Variants in UNC5D observed in about 807,000 individuals in gnomAD.
UNC5D encodes the protein unc-5 netrin receptor D.
Under a neutral mutation model 105.4 loss-of-function variants are expected in UNC5D, and 39 were observed. The observed-to-expected ratio is 0.37, with a 90% confidence interval of 0.29 to 0.48. The LOEUF is 0.48. Among genes scored for constraint, UNC5D ranks in the 20% least tolerant of loss-of-function variants. The pLI, the probability that UNC5D is intolerant of heterozygous loss-of-function variation, is 0.98. For missense variants in UNC5D, 991 were observed against 1,202.4 expected (o/e 0.82, Z 2.60); for synonymous variants, 452 against 450.4 (o/e 1.00, Z -0.04).
chr8:35,458,774 G>A (rs1048131392), intron 1 of UNC5D, among the ~76,000 whole-genome samples: 1 of 152,054 alleles, frequency 6.6e-6, no homozygotes, highest in African/African-American at 2.4e-5. Context: ...TTTTCCTGTT[G>A]TTTCTTATTA....
At chr8:35,700,841 C>A (rs1401452608) in intron 7 of UNC5D, among the ~76,000 whole-genome samples, 1 of 152,084 alleles carries the variant, frequency 6.6e-6, no homozygotes, top group Non-Finnish European at 1.5e-5. Flanking sequence ...ATGTTAGATT[C>A]TTTCATGCTA....
chr8:35,501,994 A>G (rs1375721099), intron 1 of UNC5D, among the ~76,000 whole-genome samples: 1 of 152,250 alleles, frequency 6.6e-6, no homozygotes, highest in African/African-American at 2.4e-5. Context: ...GTACATAAAT[A>G]AAATATGAAT....
In UNC5D at chr8:35,380,806, G is replaced by A. The variant is rs868180492; in HGVS notation, c.103+144919G>A. On this transcript the variant is annotated intron_variant, in intron 1 of 16. Transcript: ENST00000404895. ...AGAAACTGATCACTATGTACGCATTGGAATCATCATTCTTAAACCTATAGC... is the reference window on the plus strand; with the variant it reads ...AGAAACTGATCACTATGTACGCATTAGAATCATCATTCTTAAACCTATAGC... 7.2e-5 allele frequency among the ~76,000 whole-genome samples: 11 copies of A among 152,108 alleles called. No homozygotes were observed. In the South Asian group the frequency reaches 2.3e-3, roughly 32 times the overall value.
chr8:35,504,937 G>T (rs1021239077), intron 1 of UNC5D, among the ~76,000 whole-genome samples: 4 of 152,108 alleles, frequency 2.6e-5, no homozygotes, highest in Non-Finnish European at 4.4e-5. Context: ...CTCATGTGTA[G>T]CCCCCCAAAA....
chr8:35,787,532 G>T (rs1185365982), intron 16 of UNC5D, among the ~76,000 whole-genome samples: 1 of 152,034 alleles, frequency 6.6e-6, no homozygotes, highest in Non-Finnish European at 1.5e-5. Flanking sequence ...AGTGTTTATA[G>T]GAAGATATTG....
chr8:35,635,256 C>T (rs1822292053), intron 4 of UNC5D, among the ~76,000 whole-genome samples: 1 of 152,058 alleles, frequency 6.6e-6, no homozygotes, highest in Non-Finnish European at 1.5e-5. Flanking sequence ...GTATTTGCAC[C>T]AAGGCACCTC....
At chr8:35,466,823 C>T (rs369381373) in intron 1 of UNC5D, among the ~76,000 whole-genome samples, 1 of 152,134 alleles carries the variant, frequency 6.6e-6, no homozygotes, top group East Asian at 1.9e-4. Context: ...CTTTTCTAGA[C>T]AGCACAACTG....
intron 1 of UNC5D, among the ~76,000 whole-genome samples, chr8:35,298,622 G>T (rs185961446): frequency 3.4e-5 from 5 of 147,154 alleles, no homozygotes; most frequent in African/African-American, 1.0e-4. Context: ...ACTGCAAGGC[G>T]GGGAGAAGGG....
intron 1 of UNC5D, among the ~76,000 whole-genome samples, chr8:35,467,801 A>AT: frequency 6.6e-6 from 1 of 152,272 alleles, no homozygotes; most frequent in Non-Finnish European, 1.5e-5. Flanking sequence ...GAGCTGTGTA[A>AT]TCATGGAGTG....
At chr8:35,473,739 A>G (rs979317886) in intron 1 of UNC5D, among the ~76,000 whole-genome samples, 1 of 152,190 alleles carries the variant, frequency 6.6e-6, no homozygotes, top group Non-Finnish European at 1.5e-5. Context: ...ACAATTAACA[A>G]TATAACAGTG....
chr8:35,771,063 C>A (rs1278274172), intron 15 of UNC5D, among the ~76,000 whole-genome samples: 4 of 152,126 alleles, frequency 2.6e-5, no homozygotes, highest in Non-Finnish European at 5.9e-5. Context: ...ATCCTTATGC[C>A]TGGAAAATAT....
intron 1 of UNC5D, among the ~76,000 whole-genome samples, chr8:35,381,862 A>G (rs1420701732): frequency 6.6e-6 from 1 of 152,110 alleles, no homozygotes; most frequent in Non-Finnish European, 1.5e-5. Flanking sequence ...TCTCCTTTTC[A>G]TGATTTCTTG....
Position 35,604,211 on chromosome 8 carries a change from A to C in UNC5D, c.570+8554A>C, listed in dbSNP as rs200706804. On this transcript the variant is annotated intron_variant, in intron 4 of 16. Transcript: ENST00000404895. ...TGTTCCTTTCCATGTTTAGTGCTTC[A>C]TTCAGGAGCTCTTTTAGGGCAGGTC... 9.9e-4 allele frequency among the ~76,000 whole-genome samples: 151 copies of C among 152,094 alleles called. 1 individual carries two copies. In the South Asian group the frequency reaches 0.012, roughly 12 times the overall value.
At chr8:35,651,411 A>C (rs1382853002) in intron 4 of UNC5D, among the ~76,000 whole-genome samples, 2 of 152,238 alleles carry the variant, frequency 1.3e-5, no homozygotes, top group Admixed American at 1.3e-4. Context: ...AGTTGAGAGA[A>C]CAGAGCTAGC....
chr8:35,491,691 T>G (rs1441589989), intron 1 of UNC5D, among the ~76,000 whole-genome samples: 1 of 152,154 alleles, frequency 6.6e-6, no homozygotes, highest in African/African-American at 2.4e-5. Context: ...AGTAGTGCTC[T>G]TTACAGATTG....
intron 1 of UNC5D, among the ~76,000 whole-genome samples, chr8:35,453,189 C>T (rs1245884413): frequency 6.6e-6 from 1 of 152,122 alleles, no homozygotes; most frequent in Non-Finnish European, 1.5e-5. Context: ...ATTTGAATTT[C>T]TGTTCCTGTC....
intron 4 of UNC5D, among the ~76,000 whole-genome samples, chr8:35,658,427 T>C (rs868303116): frequency 3.9e-5 from 6 of 152,322 alleles, no homozygotes; most frequent in Middle Eastern, 3.4e-3. Flanking sequence ...ATATGTCTGC[T>C]AGTCTTTTCC....
intron 1 of UNC5D, among the ~76,000 whole-genome samples, chr8:35,252,548 C>G (rs1448331876): frequency 6.6e-6 from 1 of 151,166 alleles, no homozygotes; most frequent in Non-Finnish European, 1.5e-5. Context: ...GTTTTTTTAC[C>G]CAATATTATG....
chr8:35,375,353 G>A (rs530357849), intron 1 of UNC5D, among the ~76,000 whole-genome samples: 3 of 152,142 alleles, frequency 2.0e-5, no homozygotes, highest in Non-Finnish European at 4.4e-5. Flanking sequence ...GTTGATCTTT[G>A]CTATACTTAC....
Sources: allele counts gnomAD v4.1 joint callset (sites outside exome capture counted in the v4.1 genomes callset), GRCh38; gene constraint gnomAD v4.1.1; transcripts MANE v1.5; gene names NCBI Gene and HGNC (gene_info 2026-07-23, HGNC 2026-07-21).